EPG5: variants seen among roughly 807,000 people sequenced by gnomAD.
The protein encoded by EPG5 is ectopic P granules protein 5 homolog.
Under a neutral mutation model 302.7 loss-of-function variants are expected in EPG5, and 159 were observed. The ratio of observed to expected loss-of-function variants is 0.53; its 90% CI spans 0.46 to 0.60. The LOEUF (loss-of-function observed/expected upper bound fraction) is 0.60. Among genes scored for constraint, EPG5 ranks in the 20% least tolerant of loss-of-function variants. The pLI is 0.00. For missense variants in EPG5, 2,896 were observed against 3,092.4 expected (o/e 0.94, Z 1.51); for synonymous variants, 1,158 against 1,136.8 (o/e 1.02, Z -0.37).
In EPG5 at chr18:45,887,799, A is replaced by C; in HGVS notation, c.5061T>G (p.His1687Gln). ...VDYVSDETQR[H>Q]PPTRQFFTSC... ...AAGTAAAGAACTGCCTTGTTGGGGG[A>C]TGACGCTGCGTCTCATCGCTGACGT... Residue 1687 changes from histidine to glutamine, a missense_variant, in exon 29 of 44, where the codon CAT becomes CAG. Physicochemically the swap from His to Gln is conservative, Grantham distance 24. Around this residue, in one of 5 missense-constraint regions of EPG5, gnomAD observed 790 missense variants for 798.0 expected, o/e 0.99. Coordinates refer to ENST00000282041, the MANE Select transcript of EPG5 (RefSeq NM_020964.3). The C allele has an allele frequency of 6.3e-7, 1 of 1,598,714 alleles. No individual in the cohort carries two copies.
the EPG5 span, among the ~76,000 whole-genome samples, chr18:45,822,367 AAC>A: frequency 4.6e-5 from 7 of 152,214 alleles, no homozygotes; most frequent in African/African-American, 1.2e-4. Flanking sequence ...TAAAAAGTAG[AAC>A]AGAGGATACC....
chr18:45,916,513 G>T lies in EPG5; in HGVS notation c.3309C>A (p.Val1103=). 1 of 1,613,670 alleles carries T rather than the reference G, an allele frequency of 6.2e-7. No homozygotes were observed. Among genetic ancestry groups the T allele is most frequent in the South Asian group, 1.1e-5 (1 of 91,058 alleles). The change falls in exon 18 of 44, where the codon GTC becomes GTA. Residue 1103 remains valine (V), a synonymous_variant. Transcript: ENST00000282041. ...TCAGGTGCTGTGCCACCTTGTGGGT[G>T]ACCTGTTGTGTGACACCCTGAGGGA... ...SGVPQGVTQQ[V]THKVAQHLTG...
chr18:45,865,833 C>T (rs1008213024), intron 38 of EPG5, 74 bp from the exon 39 acceptor site: 84 of 1,480,880 alleles, frequency 5.7e-5, no homozygotes, highest in Non-Finnish European at 7.1e-5. Flanking sequence ...TTCCTGGGAG[C>T]ATGGCACTGC....
In EPG5 at chr18:45,967,292, A is replaced by G; in HGVS notation, c.-53T>C. 3.3e-6 allele frequency: 5 copies of G among 1,502,476 alleles called. No homozygotes were observed. The highest frequency in any genetic ancestry group is 4.5e-6 in the Non-Finnish European group (5 of 1,117,332). The allele number at this position is 1,502,476 out of a possible 1,614,324, so 93.1% of individuals were successfully genotyped here. On this transcript the variant is annotated 5_prime_UTR_variant, in exon 1 of 44. Coordinates refer to ENST00000282041, the MANE Select transcript of EPG5 (RefSeq NM_020964.3). ...TGTTTTTGTCAAACCCCTGCGCTTC[A>G]AGCAACCTGCCCGGTTCTGGCCTCC...
chr18:45,946,458 T>C (rs981883638), intron 7 of EPG5, among the ~76,000 whole-genome samples: 2 of 152,190 alleles, frequency 1.3e-5, no homozygotes, highest in African/African-American at 4.8e-5. Flanking sequence ...GCTCCACATT[T>C]AATGACCCTA....
intron 31 of EPG5, among the ~76,000 whole-genome samples, chr18:45,880,597 G>A (rs1008350432): frequency 1.1e-4 from 16 of 152,096 alleles, no homozygotes; most frequent in Non-Finnish European, 1.8e-4. Flanking sequence ...ACAGGACAAC[G>A]GAAACCACAT....
chr18:45,965,431 G>T (rs914217901), intron 1 of EPG5, among the ~76,000 whole-genome samples: 7 of 151,944 alleles, frequency 4.6e-5, no homozygotes, highest in African/African-American at 1.7e-4. Context: ...ACCTCCACTT[G>T]TACCCTCTAA....
the EPG5 span, among the ~76,000 whole-genome samples, chr18:45,810,788 CA>C: frequency 6.6e-6 from 1 of 151,840 alleles, no homozygotes; most frequent in Non-Finnish European, 1.5e-5. Flanking sequence ...CTAACAACAA[CA>C]AAAAAAAAGA....
At chr18:45,920,797 G>C (rs116003646) in intron 16 of EPG5, among the ~76,000 whole-genome samples, 567 of 152,310 alleles carry the variant, frequency 3.7e-3, no homozygotes, top group African/African-American at 0.013. Context: ...TCAACATGAG[G>C]TTTAGGGGGA....
intron 2 of EPG5, 77 bp downstream of exon 2, chr18:45,954,317 G>C: frequency 1.5e-6 from 2 of 1,344,068 alleles, no homozygotes; most frequent in Non-Finnish European, 2.1e-6. Flanking sequence ...TGGGTGTAAG[G>C]CACAGACTCC....
At chr18:45,918,503 A>T (rs1276415256) in intron 16 of EPG5, among the ~76,000 whole-genome samples, 1 of 152,212 alleles carries the variant, frequency 6.6e-6, no homozygotes, top group African/African-American at 2.4e-5. Flanking sequence ...ATTTGGCATA[A>T]AAGTTTTATT....
In EPG5 at chr18:45,870,788, T is replaced by TAA. The variant is rs11334955; in HGVS notation, c.6050-48_6050-47dup. 3.4e-3 allele frequency: 3,243 copies of TAA among 963,842 alleles called. 25 individuals carry two copies. Among genetic ancestry groups the TAA allele is most frequent in the African/African-American group, 0.028 (1,539 of 55,948 alleles). The allele number at this position is 963,842 out of a possible 1,614,324, so 59.7% of individuals were successfully genotyped here. ...AGAGCTGAAGACCTTTGGTTTACCT[T>TAA]AAAAAAAAAAAAAAAAAGCAAATTT... On this transcript the variant is annotated intron_variant, in intron 35 of 43. Coordinates refer to ENST00000282041, the MANE Select transcript of EPG5 (RefSeq NM_020964.3).
chr18:45,890,580 TA>T (rs11461248), intron 27 of EPG5, among the ~76,000 whole-genome samples: 7 of 151,212 alleles, frequency 4.6e-5, no homozygotes, highest in African/African-American at 1.2e-4. Flanking sequence ...TGAGCTTCTT[TA>T]AAAAAAAACT....
chr18:45,887,077 T>G (rs1044582190), intron 29 of EPG5, among the ~76,000 whole-genome samples: 3 of 152,236 alleles, frequency 2.0e-5, no homozygotes, highest in African/African-American at 4.8e-5. Context: ...CAGTTGAATT[T>G]GGGTGAGAGT....
At chr18:45,953,440 T>G in intron 2 of EPG5, 1 of 985,340 alleles carries the variant, frequency 1.0e-6, no homozygotes, top group Non-Finnish European at 1.2e-6. Flanking sequence ...CCCTCCTTAC[T>G]ATGTACAGAG....
At chr18:45,915,145 G>A (rs1198168546) in intron 20 of EPG5, among the ~76,000 whole-genome samples, 1 of 151,990 alleles carries the variant, frequency 6.6e-6, no homozygotes, top group Non-Finnish European at 1.5e-5. Flanking sequence ...GGGCGTGGTG[G>A]CGCATGCCTG....
intron 13 of EPG5, among the ~76,000 whole-genome samples, chr18:45,928,178 A>C (rs1599591643): frequency 6.6e-6 from 1 of 151,240 alleles, no homozygotes; most frequent in African/African-American, 2.4e-5. Context: ...GAGCCACTGC[A>C]CTCCAGCCTG....
intron 22 of EPG5, among the ~76,000 whole-genome samples, chr18:45,911,507 T>C (rs1462028272): frequency 2.0e-5 from 3 of 151,996 alleles, no homozygotes; most frequent in Non-Finnish European, 4.4e-5. Flanking sequence ...TTAGCCAGGA[T>C]GGTCTTGATC....
intron 39 of EPG5, among the ~76,000 whole-genome samples, chr18:45,862,162 T>C (rs1056946007): frequency 6.6e-6 from 1 of 152,198 alleles, no homozygotes; most frequent in Non-Finnish European, 1.5e-5. Flanking sequence ...ACTGTTGCCA[T>C]AGCCCAACAA....
Sources: gnomAD v4.1 joint callset for allele counts (sites outside exome capture counted in the v4.1 genomes callset) on GRCh38, gnomAD v4.1.1 for gene constraint, gnomAD v4.1.1 regional missense constraint, MANE v1.5 for transcripts, NCBI Gene and HGNC (gene_info 2026-07-23, HGNC 2026-07-21) for gene names.